Variants in MYO3B observed in about 807,000 individuals in gnomAD.
MYO3B encodes the protein myosin IIIB, also known as myosin-IIIb.
Under a neutral mutation model 174.6 loss-of-function variants are expected in MYO3B, and 156 were observed. The ratio of observed to expected loss-of-function variants is 0.89; its 90% CI spans 0.78 to 1.02. The LOEUF is 1.02. MYO3B is among the 50% of genes least tolerant of loss of function. The pLI, the probability that MYO3B is intolerant of heterozygous loss-of-function variation, is 0.00. For synonymous variants in MYO3B, 563 were observed against 569.1 expected, an observed-to-expected ratio of 0.99 and a Z score of 0.15; for missense variants, 1,632 against 1,639.4, an observed-to-expected ratio of 1.00 and a Z score of 0.08.
At chr2:170,323,821 G>A (rs1418919217) in intron 7 of MYO3B, among the ~76,000 whole-genome samples, 1 of 152,114 alleles carries the variant, frequency 6.6e-6, no homozygotes. Flanking sequence ...AATGACTCAG[G>A]CTTCAGAAAT....
chr2:170,294,967 A>G (rs1464900108), intron 7 of MYO3B, among the ~76,000 whole-genome samples: 1 of 83,492 alleles, frequency 1.2e-5, no homozygotes, highest in Non-Finnish European at 2.6e-5. Flanking sequence ...TATTAAACAT[A>G]ATTCTCACCA....
At chr2:170,323,248 C>T (rs79449444) in intron 7 of MYO3B, among the ~76,000 whole-genome samples, 4,063 of 152,224 alleles carry the variant, frequency 0.027, 189 homozygotes, top group African/African-American at 0.092. Context: ...ACAGAAAACA[C>T]GTAAAACTCA....
At chr2:170,426,675 C>T (rs1328770777) in intron 22 of MYO3B, among the ~76,000 whole-genome samples, 1 of 152,078 alleles carries the variant, frequency 6.6e-6, no homozygotes. Flanking sequence ...CTTGGCAAGT[C>T]TTACGCAGTA....
intron 27 of MYO3B, among the ~76,000 whole-genome samples, chr2:170,500,491 A>G (rs980876990): frequency 8.5e-5 from 13 of 152,186 alleles, no homozygotes; most frequent in African/African-American, 2.9e-4. Flanking sequence ...ATAGATAGGG[A>G]GAGTTCAGAG....
In MYO3B at chr2:170,506,548, A is replaced by G. The variant is rs148201160; in HGVS notation, c.3370+4683A>G. ...GCTGGGGCTCCCACGGTAAACAATG[A>G]GATTTAATTTGGGGCTTCAAATTAT... is the stretch of plus-strand genomic sequence containing the variant. On this transcript the variant is annotated intron_variant, in intron 28 of 34. Coordinates refer to ENST00000408978, the MANE Select transcript of MYO3B (RefSeq NM_138995.5). Among the ~76,000 whole-genome samples the G allele has an allele frequency of 2.9e-3, 447 of 152,342 alleles. 1 individual carries two copies. Among genetic ancestry groups the G allele is most frequent in the African/African-American group, 0.01 (419 of 41,576 alleles).
chr2:170,462,334 C>T (rs1199469148), intron 23 of MYO3B, among the ~76,000 whole-genome samples: 5 of 152,330 alleles, frequency 3.3e-5, no homozygotes, highest in Admixed American at 6.5e-5. Flanking sequence ...AAACTTAGCT[C>T]CATGTTTTCT....
At chr2:170,311,157 G>A (rs2093736607) in intron 7 of MYO3B, among the ~76,000 whole-genome samples, 1 of 152,070 alleles carries the variant, frequency 6.6e-6, no homozygotes, top group African/African-American at 2.4e-5. Context: ...GAAATGCTGG[G>A]CGATTCTGTG....
At position 170,414,961 on chromosome 2, in the gene MYO3B, T is replaced by C. The variant is rs138708208; in HGVS notation, c.2650+7117T>C. Among the ~76,000 whole-genome samples the C allele has an allele frequency of 1.6e-4, 25 of 152,372 alleles. No homozygotes were observed. The East Asian group carries it at 4.8e-3, about 29-fold the overall frequency. Reference sequence around the variant, plus strand: ...AAACTTACTAGTCCTAGAAGTCTTCTTGTTTTTGTTTTTGTAGATTCCTTG... The same window carrying C: ...AAACTTACTAGTCCTAGAAGTCTTCCTGTTTTTGTTTTTGTAGATTCCTTG... On this transcript the variant is annotated intron_variant, in intron 22 of 34. Transcript: ENST00000408978.
At chr2:170,458,956 G>A (rs748583850) in intron 23 of MYO3B, among the ~76,000 whole-genome samples, 1 of 152,100 alleles carries the variant, frequency 6.6e-6, no homozygotes, top group African/African-American at 2.4e-5. Flanking sequence ...GGACCCTCGC[G>A]GTGAGTGTTA....
chr2:170,514,366 A>G (rs1199308070), intron 28 of MYO3B, among the ~76,000 whole-genome samples: 1 of 152,256 alleles, frequency 6.6e-6, no homozygotes, highest in Non-Finnish European at 1.5e-5. Context: ...AAGTGAATAT[A>G]GTATGTAGTC....
At chr2:170,601,558 CA>C (rs1189719969) in intron 32 of MYO3B, 5 of 973,834 alleles carry the variant, frequency 5.1e-6, no homozygotes, top group Non-Finnish European at 7.9e-6. Flanking sequence ...GAGTTGTGTA[CA>C]GGGGGGTTAA....
At chr2:170,461,011 G>A (rs550144775) in intron 23 of MYO3B, among the ~76,000 whole-genome samples, 1 of 152,092 alleles carries the variant, frequency 6.6e-6, no homozygotes, top group South Asian at 2.1e-4. Context: ...CTGAGGGAGG[G>A]TAATAGGTCA....
At chr2:170,369,074 A>G in intron 8 of MYO3B, 148 bp from the exon 9 acceptor site, 1 of 545,332 alleles carries the variant, frequency 1.8e-6, no homozygotes. Flanking sequence ...GTTTTCTGGT[A>G]CATATTAATT....
At chr2:170,403,755 T>C (rs1253134254) in intron 19 of MYO3B, among the ~76,000 whole-genome samples, 2 of 152,222 alleles carry the variant, frequency 1.3e-5, no homozygotes, top group African/African-American at 4.8e-5. Context: ...GCATTGCTTT[T>C]ATCTCTGGAG....
chr2:170,180,280 G>GTTT, intron 1 of MYO3B: 1 of 327,056 alleles, frequency 3.1e-6, no homozygotes, highest in Non-Finnish European at 6.6e-6. Flanking sequence ...TAGCTCACGA[G>GTTT]AAACTCAAAT....
intron 7 of MYO3B, among the ~76,000 whole-genome samples, chr2:170,238,783 G>A (rs938147463): frequency 4.0e-5 from 6 of 151,856 alleles, no homozygotes; most frequent in African/African-American, 1.5e-4. Context: ...GGTTCCCTGG[G>A]TATTGTCAGG....
intron 7 of MYO3B, among the ~76,000 whole-genome samples, chr2:170,328,390 C>T (rs1409197742): frequency 6.6e-6 from 1 of 152,036 alleles, no homozygotes; most frequent in Non-Finnish European, 1.5e-5. Context: ...GGAGTTTTGG[C>T]CCACAGAGCA....
chr2:170,388,338 G>T (rs1235514629), intron 14 of MYO3B, among the ~76,000 whole-genome samples: 1 of 152,126 alleles, frequency 6.6e-6, no homozygotes, highest in Non-Finnish European at 1.5e-5. Flanking sequence ...AAGCAAAGTA[G>T]GTGCTATTAA....
In MYO3B at chr2:170,532,478, C is replaced by T. The variant is rs936811033; in HGVS notation, c.3576-10428C>T. 3.9e-5 allele frequency among the ~76,000 whole-genome samples: 6 copies of T among 152,210 alleles called. No individual in the cohort carries two copies. In the South Asian group the frequency reaches 1.2e-3, roughly 32 times the overall value. ...TCTGGTCATATAAGAAAATGCCCTT[C>T]CTTTTTGAAAATACACACACTGAAG... On this transcript the variant is annotated intron_variant, in intron 30 of 34. Coordinates refer to ENST00000408978, the MANE Select transcript of MYO3B (RefSeq NM_138995.5).
Sources: gnomAD v4.1 joint callset for allele counts (sites outside exome capture counted in the v4.1 genomes callset) on GRCh38, gnomAD v4.1.1 for gene constraint, MANE v1.5 for transcripts, NCBI Gene and HGNC (gene_info 2026-07-23, HGNC 2026-07-21) for gene names.